ADAMTSL1: variants seen among roughly 807,000 people sequenced by gnomAD.
ADAMTSL1 encodes ADAMTS-like protein 1.
Under a neutral mutation model 201.8 loss-of-function variants are expected in ADAMTSL1, and 126 were observed. That is an observed-to-expected ratio of 0.62 (90% CI 0.54 to 0.72). The LOEUF is 0.72. Ranked by LOEUF, ADAMTSL1 falls within the 30% of genes least tolerant of loss-of-function variation. ADAMTSL1 has a pLI of 0.00. For missense variants in ADAMTSL1, 2,679 were observed against 2,277.8 expected (o/e 1.18, Z -3.59); for synonymous variants, 1,121 against 903.4 (o/e 1.24, Z -4.32).
chr9:18,685,054 ACCT>A (rs1830742607), intron 13 of ADAMTSL1: 1 of 1,074,804 alleles, frequency 9.3e-7, no homozygotes, highest in Non-Finnish European at 1.2e-6. Context: ...CCAAAATCTG[ACCT>A]CCTCTCTTCT....
At chr9:18,752,238 G>A (rs951684888) in intron 15 of ADAMTSL1, among the ~76,000 whole-genome samples, 1 of 151,034 alleles carries the variant, frequency 6.6e-6, no homozygotes, top group Non-Finnish European at 1.5e-5. Flanking sequence ...AGTGGAAACA[G>A]GTTGGAAAGT....
At chr9:18,613,054 A>G (rs370296149) in intron 4 of ADAMTSL1, among the ~76,000 whole-genome samples, 4 of 152,226 alleles carry the variant, frequency 2.6e-5, no homozygotes, top group East Asian at 3.8e-4. Context: ...GGTAAAGGAC[A>G]TGAACAGGCA....
intron 2 of ADAMTSL1, among the ~76,000 whole-genome samples, chr9:18,509,189 T>TGAAA: frequency 6.3e-5 from 1 of 15,880 alleles, no homozygotes; most frequent in Non-Finnish European, 9.5e-5. Context: ...AGACTCCGTC[T>TGAAA]CAAAAAAAAA....
intron 19 of ADAMTSL1, among the ~76,000 whole-genome samples, chr9:18,788,062 C>T (rs1821804224): frequency 6.6e-6 from 1 of 152,196 alleles, no homozygotes; most frequent in Non-Finnish European, 1.5e-5. Flanking sequence ...AATCATGAAG[C>T]TTCTGGCATT....
At chr9:18,582,816 T>C (rs184404104) in intron 4 of ADAMTSL1, among the ~76,000 whole-genome samples, 1,679 of 151,274 alleles carry the variant, frequency 0.011, 36 homozygotes, top group African/African-American at 0.033. Flanking sequence ...ACCACTGCAC[T>C]CCAGCCTGGG....
intron 2 of ADAMTSL1, among the ~76,000 whole-genome samples, chr9:18,359,872 A>G (rs886824733): frequency 3.6e-5 from 4 of 112,546 alleles, no homozygotes; most frequent in Non-Finnish European, 3.3e-5. Flanking sequence ...TTGACATTTG[A>G]TACCTTGGAC....
chr9:18,798,983 TTTTATC>T (rs147482221), intron 20 of ADAMTSL1, among the ~76,000 whole-genome samples: 5,308 of 152,232 alleles, frequency 0.035, 224 homozygotes, highest in East Asian at 0.24. Context: ...TACGTGCTGA[TTTTATC>T]TTTAAGTCTC....
chr9:18,557,089 C>T (rs1448915289), intron 3 of ADAMTSL1, among the ~76,000 whole-genome samples: 1 of 151,994 alleles, frequency 6.6e-6, no homozygotes, highest in Non-Finnish European at 1.5e-5. Context: ...AACCCTACTT[C>T]TTTCCCCTCA....
At chr9:18,666,931 A>G (rs1055928653) in intron 9 of ADAMTSL1, among the ~76,000 whole-genome samples, 6 of 151,530 alleles carry the variant, frequency 4.0e-5, no homozygotes, top group African/African-American at 1.5e-4. Context: ...ACAATCAGAG[A>G]ACCACCTTTG....
intron 13 of ADAMTSL1, among the ~76,000 whole-genome samples, chr9:18,691,444 C>G (rs1310567913): frequency 2.6e-5 from 4 of 152,112 alleles, no homozygotes; most frequent in Non-Finnish European, 4.4e-5. Flanking sequence ...AGCAAGTGAT[C>G]AGATATTTTG....
chr9:18,842,022 TGTG>T, intron 23 of ADAMTSL1, among the ~76,000 whole-genome samples: 1 of 151,500 alleles, frequency 6.6e-6, no homozygotes, highest in Non-Finnish European at 1.5e-5. Context: ...AAGGGTTTTT[TGTG>T]TCTCTATTTC....
chr9:18,161,773 G>A (rs1046115926), intron 1 of ADAMTSL1, among the ~76,000 whole-genome samples: 3 of 152,046 alleles, frequency 2.0e-5, no homozygotes, highest in Non-Finnish European at 2.9e-5. Context: ...AGGAATTATT[G>A]TCCTTGATAG....
chr9:18,159,617 A>G (rs540227704), intron 1 of ADAMTSL1, among the ~76,000 whole-genome samples: 2 of 152,128 alleles, frequency 1.3e-5, no homozygotes, highest in South Asian at 2.1e-4. Context: ...CTGTATTTTA[A>G]CTTTCCAAAT....
intron 17 of ADAMTSL1, among the ~76,000 whole-genome samples, chr9:18,771,487 G>C (rs1820684914): frequency 6.6e-6 from 1 of 152,098 alleles, no homozygotes; most frequent in South Asian, 2.1e-4. Context: ...CAAGTCCTTT[G>C]TTTTCAGCCA....
chr9:18,565,350 T>C (rs746737173), intron 3 of ADAMTSL1, among the ~76,000 whole-genome samples: 2 of 152,194 alleles, frequency 1.3e-5, no homozygotes, highest in Non-Finnish European at 2.9e-5. Context: ...GAGCATGAAC[T>C]TGATCTATTG....
At chr9:18,009,367 A>G (rs909916177) in intron 1 of ADAMTSL1, among the ~76,000 whole-genome samples, 4 of 151,950 alleles carry the variant, frequency 2.6e-5, no homozygotes, top group African/African-American at 9.7e-5. Context: ...CTTCTAATAG[A>G]AACCTAAACA....
At chr9:18,792,268 T>C (rs1184309338) in intron 19 of ADAMTSL1, among the ~76,000 whole-genome samples, 2 of 152,138 alleles carry the variant, frequency 1.3e-5, no homozygotes, top group African/African-American at 4.8e-5. Context: ...GATCTAGAAA[T>C]TCCTTATATA....
At chr9:18,710,555 G>A (rs1458088998) in intron 14 of ADAMTSL1, among the ~76,000 whole-genome samples, 1 of 151,180 alleles carries the variant, frequency 6.6e-6, no homozygotes, top group Non-Finnish European at 1.5e-5. Flanking sequence ...TTGGTTTGGA[G>A]TTATGTAAAT....
chr9:18,889,458 C>T, intron 24 of ADAMTSL1, 110 bp from the exon 25 acceptor site: 1 of 1,199,326 alleles, frequency 8.3e-7, no homozygotes, highest in Non-Finnish European at 1.2e-6. Context: ...TCCTCTCCTT[C>T]AGGCCACAAA....
Sources: allele counts gnomAD v4.1 joint callset (sites outside exome capture counted in the v4.1 genomes callset), GRCh38; gene constraint gnomAD v4.1.1; transcripts MANE v1.5; gene names NCBI Gene and HGNC (gene_info 2026-07-23, HGNC 2026-07-21).